Variants in CELF2 observed in about 807,000 individuals in gnomAD.
CELF2 encodes CUG triplet repeat RNA-binding protein 2.
CELF2 carries 8 observed loss-of-function variants against 62.6 expected under a neutral mutation model. That is an observed-to-expected ratio of 0.13 (90% CI 0.07 to 0.23). CELF2 has a LOEUF of 0.23. Among genes scored for constraint, CELF2 ranks in the 10% least tolerant of loss-of-function variants. The pLI, the probability that CELF2 is intolerant of heterozygous loss-of-function variation, is 1.00. For missense variants in CELF2, 333 were observed against 671.0 expected (o/e 0.50, Z 5.56); for synonymous variants, 258 against 250.0 (o/e 1.03, Z -0.30).
the CELF2 span, among the ~76,000 whole-genome samples, chr10:10,628,145 C>T: frequency 6.6e-6 from 1 of 152,084 alleles, no homozygotes; most frequent in Non-Finnish European, 1.5e-5. Context: ...TCAGGTAATC[C>T]CCCCTGCCTT....
At chr10:10,625,248 G>A in the CELF2 span, among the ~76,000 whole-genome samples, 1 of 152,140 alleles carries the variant, frequency 6.6e-6, no homozygotes, top group South Asian at 2.1e-4. Flanking sequence ...TAATCCACTT[G>A]CTATATTATC....
chr10:11,085,187 T>C (rs2046373045), intron 1 of CELF2, among the ~76,000 whole-genome samples: 1 of 152,364 alleles, frequency 6.6e-6, no homozygotes, highest in East Asian at 1.9e-4. Context: ...ACCTTAAGGT[T>C]TAGTAGATAC....
At chr10:11,139,839 G>A (rs1004738360) in intron 1 of CELF2, among the ~76,000 whole-genome samples, 2 of 140,992 alleles carry the variant, frequency 1.4e-5, no homozygotes, top group African/African-American at 5.2e-5. Flanking sequence ...ACATCATTCA[G>A]TTTTTTTTTT....
chr10:10,968,469 A>G (rs1379449674), intron 2 of CELF2, among the ~76,000 whole-genome samples: 3 of 152,216 alleles, frequency 2.0e-5, no homozygotes, highest in Non-Finnish European at 4.4e-5. Flanking sequence ...TGTTGTCGAA[A>G]TGGAGAAATG....
rs554218595 is a variant in CELF2 at position 10,913,899 on chromosome 10, G to C, written c.54-6065G>C. Among the ~76,000 whole-genome samples the C allele has an allele frequency of 3.0e-3, 139 of 45,968 alleles. 1 individual carries two copies. Among genetic ancestry groups the C allele is most frequent in the Non-Finnish European group, 6.6e-3 (123 of 18,628 alleles). 30.2% of individuals were successfully genotyped at this position (45,968 alleles called of 152,430 possible). Reference sequence around the variant, plus strand: ...GGAAGGAAGGAAGAAGGAAGGGAGGGAGGGAGGGACGGACGGGGCAGGGGA... The same window carrying C: ...GGAAGGAAGGAAGAAGGAAGGGAGGCAGGGAGGGACGGACGGGGCAGGGGA... On this transcript the variant is annotated intron_variant, in intron 1 of 13. Coordinates refer to the CELF2 transcript ENST00000636488.
At position 11,331,624 on chromosome 10, in the gene CELF2, A is replaced by G. The variant is rs1054608286; in HGVS notation, c.*2571A>G. The G allele has an allele frequency of 6.6e-6, 1 of 152,516 alleles. No individual in the cohort carries two copies. The highest frequency in any genetic ancestry group is 2.4e-5 in the African/African-American group (1 of 41,432). 9.4% of individuals were successfully genotyped at this position (152,516 alleles called of 1,614,324 possible). Reference sequence around the variant, plus strand: ...ATATTTAAAAAAAAAAACAAAACAAAAAAAGGTTACAAAGTTTGTTAACTT... The same window carrying G: ...ATATTTAAAAAAAAAAACAAAACAAGAAAAGGTTACAAAGTTTGTTAACTT... On this transcript the variant is annotated 3_prime_UTR_variant, in exon 13 of 13. Transcript: ENST00000633077.
the CELF2 span, among the ~76,000 whole-genome samples, chr10:10,770,948 T>C: frequency 1.3e-5 from 2 of 152,194 alleles, no homozygotes; most frequent in Admixed American, 1.3e-4. Flanking sequence ...CTTCACCTTA[T>C]GAAATCCTGA....
the CELF2 span, among the ~76,000 whole-genome samples, chr10:10,612,251 C>A: frequency 1.1e-4 from 16 of 152,162 alleles, no homozygotes; most frequent in African/African-American, 3.9e-4. Context: ...TCCAGTCGTA[C>A]ATTCCATCTT....
chr10:11,089,424 G>C (rs1671603282), intron 1 of CELF2, among the ~76,000 whole-genome samples: 1 of 152,192 alleles, frequency 6.6e-6, no homozygotes, highest in African/African-American at 2.4e-5. Flanking sequence ...GGAGATAAAA[G>C]CAGAGATAGT....
intron 1 of CELF2, among the ~76,000 whole-genome samples, chr10:10,806,563 A>G (rs1286564652): frequency 6.6e-6 from 1 of 152,104 alleles, no homozygotes; most frequent in South Asian, 2.1e-4. Flanking sequence ...GGTTGCTCCT[A>G]CATGATTTAT....
the CELF2 span, among the ~76,000 whole-genome samples, chr10:10,526,887 A>G: frequency 0.26 from 39,890 of 152,148 alleles, 5,788 homozygotes; most frequent in Non-Finnish European, 0.34. Flanking sequence ...ACTTCTGGAC[A>G]CCTAAGCAAA....
At chr10:10,851,597 CAAA>C (rs1442590344) in intron 1 of CELF2, among the ~76,000 whole-genome samples, 1 of 151,996 alleles carries the variant, frequency 6.6e-6, no homozygotes, top group African/African-American at 2.4e-5. Flanking sequence ...CTCATTGAAA[CAAA>C]ACATCAGACA....
the CELF2 span, among the ~76,000 whole-genome samples, chr10:10,571,438 T>C: frequency 6.6e-6 from 1 of 152,188 alleles, no homozygotes; most frequent in African/African-American, 2.4e-5. Flanking sequence ...AATAATATAA[T>C]ATTTCTCCAG....
chr10:11,086,601 AAAAAAAAAAC>A (rs2046852294), intron 1 of CELF2, among the ~76,000 whole-genome samples: 1 of 140,718 alleles, frequency 7.1e-6, no homozygotes, highest in African/African-American at 2.8e-5. Flanking sequence ...AAAAAAAAAA[AAAAAAAAAAC>A]TCCCGACAGC....
Position 11,157,730 on chromosome 10 carries a change from A to G in CELF2, c.75-7756A>G, listed in dbSNP as rs76005869. ...AAGAAAAGGACTCAGGGTAAACCTC[A>G]GTTTTGTTTAAGATTCTGCAAAGGG... On this transcript the variant is annotated intron_variant, in intron 1 of 12. Transcript: ENST00000633077. The surrounding 1 kb of genome is among the most constrained non-coding windows in gnomAD (Gnocchi z 4.9). Among the ~76,000 whole-genome samples the G allele has an allele frequency of 0.042, 6,382 of 152,292 alleles. 164 individuals are homozygous for G. The highest frequency in any genetic ancestry group is 0.057 in the African/African-American group (2,364 of 41,552).
At chr10:10,658,741 G>T in the CELF2 span, among the ~76,000 whole-genome samples, 1 of 152,036 alleles carries the variant, frequency 6.6e-6, no homozygotes. Flanking sequence ...TGTAGCTCTT[G>T]TCTCTTCCTT....
chr10:10,736,357 A>ATCCT, the CELF2 span, among the ~76,000 whole-genome samples: 2 of 109,662 alleles, frequency 1.8e-5, no homozygotes, highest in African/African-American at 7.6e-5. Context: ...ACTGATTTCT[A>ATCCT]TTCTTTCTTT....
chr10:11,188,397 G>T (rs931214401), intron 2 of CELF2, among the ~76,000 whole-genome samples: 1 of 152,136 alleles, frequency 6.6e-6, no homozygotes, highest in Non-Finnish European at 1.5e-5. Flanking sequence ...GAGTCACCAC[G>T]CCCAGACTGA....
At chr10:11,021,530 C>T (rs112070677) in intron 1 of CELF2, among the ~76,000 whole-genome samples, 6 of 152,134 alleles carry the variant, frequency 3.9e-5, no homozygotes, top group Non-Finnish European at 5.9e-5. Flanking sequence ...GGCAGTGTGA[C>T]GAGTCCAAGA....
Sources: allele counts gnomAD v4.1 joint callset (sites outside exome capture counted in the v4.1 genomes callset), GRCh38; gene constraint gnomAD v4.1.1; non-coding constraint Gnocchi (gnomAD v3.1); transcripts MANE v1.5; gene names NCBI Gene and HGNC (gene_info 2026-07-23, HGNC 2026-07-21).